SPATA4: variants seen among roughly 807,000 people sequenced by gnomAD.
The protein encoded by SPATA4 is spermatogenesis-associated protein 4.
Under a neutral mutation model 31.8 loss-of-function variants are expected in SPATA4, and 35 were observed. The ratio of observed to expected loss-of-function variants is 1.10; its 90% CI spans 0.84 to 1.46. The LOEUF is 1.46. SPATA4 is among the 40% of genes most tolerant of loss of function. The pLI is 0.00. For synonymous variants in SPATA4, 126 were observed against 132.4 expected (o/e 0.95, Z 0.33); for missense variants, 394 against 363.1 (o/e 1.09, Z -0.69).
rs1396923557 is a variant in SPATA4 at position 176,193,084 on chromosome 4, A to T, written c.349-8T>A. ...TTTTTTTCTTGCCAGGAACTTTAAT[A>T]GTAGAAAGAAAATGTTTTTATCATA... On this transcript the variant is annotated splice_polypyrimidine_tract_variant and splice_region_variant and intron_variant, in intron 2 of 5. Coordinates refer to ENST00000280191, the MANE Select transcript of SPATA4 (RefSeq NM_144644.4). 5 of 1,486,116 alleles carry T rather than the reference A, an allele frequency of 3.4e-6. No individual in the cohort carries two copies. The highest frequency in any genetic ancestry group is 4.6e-6 in the Non-Finnish European group (5 of 1,085,954). The allele number at this position is 1,486,116 out of a possible 1,614,324, so 92.1% of individuals were successfully genotyped here.
intron 5 of SPATA4, 120 bp downstream of exon 5, chr4:176,187,999 T>C: frequency 1.4e-6 from 1 of 730,740 alleles, no homozygotes; most frequent in South Asian, 1.6e-5. Flanking sequence ...TAATTGGCAG[T>C]GTAGGACTGA....
At chr4:176,185,647 CTCTCT>C (rs1752429320) in intron 5 of SPATA4, among the ~76,000 whole-genome samples, 1 of 152,146 alleles carries the variant, frequency 6.6e-6, no homozygotes, top group Non-Finnish European at 1.5e-5. Context: ...ATTTACTCTA[CTCTCT>C]TATCAGAAAC....
intron 1 of SPATA4, 117 bp downstream of exon 1, chr4:176,195,228 G>C: frequency 2.4e-6 from 2 of 849,076 alleles, no homozygotes; most frequent in Non-Finnish European, 3.8e-6. Flanking sequence ...TACGTGGGTG[G>C]GGGGGTCTTG....
intron 2 of SPATA4, 139 bp from the exon 3 acceptor site, chr4:176,193,215 TATTC>T (rs1203691039): frequency 5.2e-6 from 4 of 762,610 alleles, no homozygotes; most frequent in Non-Finnish European, 8.4e-6. Context: ...TAAAAGATAA[TATTC>T]AGCAGGAAAA....
Position 176,192,741 on chromosome 4 carries a change from T to C in SPATA4, c.574A>G (p.Ile192Val). 1 of 1,613,848 alleles carries C rather than the reference T, an allele frequency of 6.2e-7. No individual in the cohort carries two copies. The highest frequency in any genetic ancestry group is 8.5e-7 in the Non-Finnish European group (1 of 1,179,728). ...TTGCTTAGTAATTCTGATAACCTAA[T>C]GTTATCTTTAATAGACTTCGAAACT... ...STVSKSIKDN[I>V]RLSELLSNPN... Residue 192 changes from isoleucine to valine, a missense_variant, in exon 4 of 6, where the codon ATT becomes GTT. Transcript: ENST00000280191.
rs759469542 is a variant in SPATA4 at position 176,192,730 on chromosome 4, T to C, written c.585A>G (p.Ser195=). Residue 195 remains serine, a synonymous_variant, in exon 4 of 6, where the codon TCA becomes TCG. Coordinates refer to ENST00000280191, the MANE Select transcript of SPATA4 (RefSeq NM_144644.4). Reference sequence around the variant, plus strand: ...GCATGTTGGGATTGCTTAGTAATTCTGATAACCTAATGTTATCTTTAATAG... The same window carrying C: ...GCATGTTGGGATTGCTTAGTAATTCCGATAACCTAATGTTATCTTTAATAG... ...SKSIKDNIRL[S]ELLSNPNMLT... 8.1e-6 allele frequency: 13 copies of C among 1,614,018 alleles called. No homozygotes were observed. In the East Asian group the frequency reaches 2.7e-4, roughly 33 times the overall value.
intron 4 of SPATA4, among the ~76,000 whole-genome samples, chr4:176,192,167 A>G (rs1561240256): frequency 6.6e-6 from 1 of 152,214 alleles, no homozygotes; most frequent in Non-Finnish European, 1.5e-5. Flanking sequence ...ACGTCTGGAA[A>G]GTTGCCATGA....
At chr4:176,187,340 T>TA (rs397775717) in intron 5 of SPATA4, among the ~76,000 whole-genome samples, 1 of 152,010 alleles carries the variant, frequency 6.6e-6, no homozygotes, top group Non-Finnish European at 1.5e-5. Flanking sequence ...ATTTTTTTTT[T>TA]AACCATGAAA....
At chr4:176,186,300 C>A (rs962716001) in intron 5 of SPATA4, among the ~76,000 whole-genome samples, 5 of 152,156 alleles carry the variant, frequency 3.3e-5, no homozygotes, top group African/African-American at 1.2e-4. Flanking sequence ...CCTGCTCTTT[C>A]CCTTTCCCAG....
intron 5 of SPATA4, 44 bp from the exon 6 acceptor site, chr4:176,184,936 C>G (rs772816307): frequency 4.2e-6 from 5 of 1,200,052 alleles, no homozygotes; most frequent in Non-Finnish European, 6.1e-6. Context: ...TTCATGGTTA[C>G]TAAATATTCA....
At chr4:176,188,023 C>A (rs368783628) in intron 5 of SPATA4, 96 bp downstream of exon 5, 28 of 877,892 alleles carry the variant, frequency 3.2e-5, no homozygotes, top group Non-Finnish European at 5.1e-5. Context: ...TTGACCTATA[C>A]CAACATTTTA....
intron 4 of SPATA4, among the ~76,000 whole-genome samples, chr4:176,191,877 G>C (rs993100403): frequency 6.6e-6 from 1 of 152,092 alleles, no homozygotes; most frequent in African/African-American, 2.4e-5. Context: ...AGAGAAAATG[G>C]TTTTCTTCAG....
At chr4:176,187,446 A>G (rs977276932) in intron 5 of SPATA4, among the ~76,000 whole-genome samples, 4 of 151,964 alleles carry the variant, frequency 2.6e-5, no homozygotes, top group African/African-American at 9.7e-5. Flanking sequence ...CTCTACTAAA[A>G]TACAAAAAAT....
intron 4 of SPATA4, among the ~76,000 whole-genome samples, chr4:176,191,720 C>T (rs1423085720): frequency 6.6e-6 from 1 of 151,762 alleles, no homozygotes; most frequent in African/African-American, 2.4e-5. Flanking sequence ...ATGAGTAAAG[C>T]CAGAGATGAG....
rs978386515 is a variant in SPATA4 at position 176,195,468 on chromosome 4, A to T, written c.95T>A (p.Ile32Asn). The T allele has an allele frequency of 1.2e-6, 2 of 1,614,228 alleles. No individual in the cohort carries two copies. Among genetic ancestry groups the T allele is most frequent in the Admixed American group, 3.3e-5 (2 of 60,026 alleles). The change falls in exon 1 of 6, where the codon ATC (isoleucine) becomes AAC (asparagine). Residue 32 changes from isoleucine (I) to asparagine (N), a missense_variant. Ile to Asn is a moderately radical substitution (Grantham distance 149). Transcript: ENST00000280191. ...CAGACACTTCTTAGGCCTCCCTCGG[A>T]TGGGAGCTGCTAGCTGTGGCGAAAG... ...PSLSPQLAAPIRGRPKKCLVY... is the reference protein window; with the variant it reads ...PSLSPQLAAPNRGRPKKCLVY...
Position 176,184,904 on chromosome 4 carries a change from A to C in SPATA4, c.806-12T>G. 6.7e-7 allele frequency: 1 copy of C among 1,487,142 alleles called. No individual in the cohort carries two copies. Among genetic ancestry groups the C allele is most frequent in the Non-Finnish European group, 9.2e-7 (1 of 1,084,920 alleles). 92.1% of individuals were successfully genotyped at this position (1,487,142 alleles called of 1,614,324 possible). A position where few individuals can be genotyped will look rare whatever the true frequency, so the allele number is the denominator to read the frequency against. On this transcript the variant is annotated splice_polypyrimidine_tract_variant and intron_variant, in intron 5 of 5. Coordinates refer to ENST00000280191, the MANE Select transcript of SPATA4 (RefSeq NM_144644.4). ...ACTACCTATATTTGCTGGGACATTT[A>C]AATAAGCAAAATTAAAATCAATTCA...
At position 176,195,559 on chromosome 4, in the gene SPATA4, C is replaced by A. The variant is rs1455639740; in HGVS notation, c.4G>T (p.Ala2Ser). The stretch of plus-strand genomic sequence containing the variant: ...TACCCTTTTTCCTGGCCGGCGGCAG[C>A]CATGACGCTTTCTGGGTTGCTGCGG... MAAAGQEKGYLT... is the reference protein window; with the variant it reads MSAAGQEKGYLT... The change falls in exon 1 of 6, where the codon GCT becomes TCT. Residue 2 changes from alanine to serine, a missense_variant. Transcript: ENST00000280191. The A allele has an allele frequency of 6.2e-7, 1 of 1,614,058 alleles. No homozygotes were observed. Among genetic ancestry groups the A allele is most frequent in the African/African-American group, 1.3e-5 (1 of 75,072 alleles).
At chr4:176,187,518 C>T (rs1029172916) in intron 5 of SPATA4, among the ~76,000 whole-genome samples, 1 of 151,954 alleles carries the variant, frequency 6.6e-6, no homozygotes, top group Non-Finnish European at 1.5e-5. Context: ...TCAGGAGAAT[C>T]GCTTGAACCC....
Position 176,193,433 on chromosome 4 carries a change from G to A in SPATA4, c.348+20C>T, listed in dbSNP as rs1464231943. ...AACAAACATCTTAACAGTTAAAAGT[G>A]TAAATGACTGCTAACGTACCTTCTC... is the stretch of plus-strand genomic sequence containing the variant. On this transcript the variant is annotated intron_variant, in intron 2 of 5. Transcript: ENST00000280191. 6.2e-7 allele frequency: 1 copy of A among 1,606,714 alleles called. No homozygotes were observed. The highest frequency in any genetic ancestry group is 2.2e-5 in the East Asian group (1 of 44,814).
Sources: allele counts gnomAD v4.1 joint callset (sites outside exome capture counted in the v4.1 genomes callset), GRCh38; gene constraint gnomAD v4.1.1; transcripts MANE v1.5; gene names NCBI Gene and HGNC (gene_info 2026-07-23, HGNC 2026-07-21).